DSCAM: variants seen among roughly 807,000 people sequenced by gnomAD.
The protein encoded by DSCAM is DS cell adhesion molecule, also known as cell adhesion molecule DSCAM.
A neutral mutation model predicts 217.7 loss-of-function variants in DSCAM; 47 were observed. The ratio of observed to expected loss-of-function variants is 0.22; its 90% CI spans 0.17 to 0.28. The LOEUF is 0.28. Ranked by LOEUF, DSCAM falls within the 10% of genes least tolerant of loss-of-function variation. The pLI, the probability that DSCAM is intolerant of heterozygous loss-of-function variation, is 1.00. For missense variants in DSCAM, 2,080 were observed against 2,618.3 expected, an observed-to-expected ratio of 0.79 and a Z score of 4.49; for synonymous variants, 1,056 against 1,015.3, an observed-to-expected ratio of 1.04 and a Z score of -0.76.
intron 3 of DSCAM, among the ~76,000 whole-genome samples, chr21:40,595,743 G>C (rs897343887): frequency 6.6e-6 from 1 of 152,216 alleles, no homozygotes; most frequent in Non-Finnish European, 1.5e-5. Context: ...CATTGAAAGG[G>C]ATGTTCTGAT....
intron 3 of DSCAM, among the ~76,000 whole-genome samples, chr21:40,504,276 C>A (rs923485359): frequency 1.3e-5 from 2 of 152,098 alleles, no homozygotes; most frequent in African/African-American, 4.8e-5. Flanking sequence ...CAAGTCTGTA[C>A]CAGGGATGTT....
chr21:40,264,105 C>T (rs764230341), intron 11 of DSCAM, among the ~76,000 whole-genome samples: 13 of 151,354 alleles, frequency 8.6e-5, no homozygotes, highest in Non-Finnish European at 1.8e-4. Context: ...TGGATTCACA[C>T]CTAAATTCTA....
At chr21:40,698,408 T>C (rs2090617902) in intron 2 of DSCAM, among the ~76,000 whole-genome samples, 1 of 152,168 alleles carries the variant, frequency 6.6e-6, no homozygotes, top group Admixed American at 6.5e-5. Context: ...GATTGGGTTA[T>C]AACTTTAAAA....
chr21:40,745,490 A>T (rs1285662090), intron 1 of DSCAM, among the ~76,000 whole-genome samples: 1 of 152,160 alleles, frequency 6.6e-6, no homozygotes, highest in Non-Finnish European at 1.5e-5. Flanking sequence ...GCCAGAAGAG[A>T]TTGGGATGAT....
intron 21 of DSCAM, among the ~76,000 whole-genome samples, chr21:40,092,279 T>A (rs887827186): frequency 6.6e-5 from 10 of 152,086 alleles, no homozygotes; most frequent in Admixed American, 3.9e-4. Context: ...GATGCCTGAA[T>A]CACCATGTGG....
chr21:40,333,677 A>G (rs2074399852), intron 8 of DSCAM, among the ~76,000 whole-genome samples: 1 of 152,218 alleles, frequency 6.6e-6, no homozygotes, highest in South Asian at 2.1e-4. Flanking sequence ...TTCAGAAGTC[A>G]TTTTATTTAA....
intron 3 of DSCAM, among the ~76,000 whole-genome samples, chr21:40,584,421 C>T (rs942478230): frequency 5.9e-5 from 9 of 152,190 alleles, no homozygotes; most frequent in Admixed American, 1.3e-4. Flanking sequence ...TTGAGATCAA[C>T]TTTCATCTCA....
chr21:40,276,119 C>T lies in DSCAM; in HGVS notation c.2334G>A (p.Lys778=). 6.2e-7 allele frequency: 1 copy of T among 1,600,476 alleles called. No homozygotes were observed. Among genetic ancestry groups the T allele is most frequent in the Non-Finnish European group, 8.5e-7 (1 of 1,174,580 alleles). The change falls in exon 11 of 33, where the codon AAG becomes AAA. Residue 778 remains lysine, a synonymous_variant. Coordinates refer to ENST00000400454, the MANE Select transcript of DSCAM (RefSeq NM_001389.5). ...VSNDVGADVS[K]SMYLTVKIPA... is the part of the protein sequence containing the mutation. ...TACTTTTAACCGTGAGGTACATGGA[C>T]TTGCTGACGTCTGCGCCCACATCGT...
chr21:40,712,821 G>A (rs2090796652), intron 1 of DSCAM, among the ~76,000 whole-genome samples: 2 of 152,142 alleles, frequency 1.3e-5, no homozygotes, highest in South Asian at 2.1e-4. Context: ...GAGAGAGAGA[G>A]AGAGAGAGAG....
chr21:40,095,009 T>C (rs904307778), intron 20 of DSCAM, among the ~76,000 whole-genome samples: 1 of 152,184 alleles, frequency 6.6e-6, no homozygotes, highest in African/African-American at 2.4e-5. Flanking sequence ...TTCATGCTGC[T>C]GATAAAGACA....
chr21:40,410,759 C>CAAA (rs112357519), intron 3 of DSCAM, among the ~76,000 whole-genome samples: 52,803 of 142,030 alleles, frequency 0.37, 11,040 homozygotes, highest in Middle Eastern at 0.48. Context: ...CTATACAGTA[C>CAAA]AAAAAAAAAA....
intron 20 of DSCAM, among the ~76,000 whole-genome samples, chr21:40,098,045 G>T (rs1473211234): frequency 6.8e-6 from 1 of 147,886 alleles, no homozygotes; most frequent in Non-Finnish European, 1.5e-5. Flanking sequence ...AACACAAATA[G>T]GTTAAAAATA....
chr21:40,663,176 GGTGT>G (rs1267716184), intron 3 of DSCAM, among the ~76,000 whole-genome samples: 32 of 149,794 alleles, frequency 2.1e-4, no homozygotes, highest in African/African-American at 5.7e-4. Flanking sequence ...CAGTGTGTGT[GGTGT>G]GTGTATGACA....
intron 9 of DSCAM, among the ~76,000 whole-genome samples, chr21:40,306,867 C>A (rs2074082989): frequency 6.6e-6 from 1 of 151,760 alleles, no homozygotes; most frequent in African/African-American, 2.4e-5. Flanking sequence ...AGGATTTTTG[C>A]ATCAATGTTC....
intron 3 of DSCAM, among the ~76,000 whole-genome samples, chr21:40,562,035 G>C (rs1192660935): frequency 3.3e-5 from 5 of 152,132 alleles, no homozygotes; most frequent in Non-Finnish European, 7.4e-5. Flanking sequence ...CCACATCGTG[G>C]TCTCTCCTTA....
intron 1 of DSCAM, among the ~76,000 whole-genome samples, chr21:40,755,238 G>C (rs1187768657): frequency 6.6e-6 from 1 of 152,106 alleles, no homozygotes; most frequent in African/African-American, 2.4e-5. Flanking sequence ...ATGAGGTCAG[G>C]AGTTCAAGGC....
chr21:40,791,357 A>C (rs1259470146), intron 1 of DSCAM, among the ~76,000 whole-genome samples: 2 of 151,602 alleles, frequency 1.3e-5, no homozygotes, highest in African/African-American at 4.8e-5. Context: ...TTGTAAATAG[A>C]ATAATGAAAT....
At chr21:40,626,347 T>C (rs1254580872) in intron 3 of DSCAM, among the ~76,000 whole-genome samples, 1 of 152,114 alleles carries the variant, frequency 6.6e-6, no homozygotes, top group East Asian at 1.9e-4. Flanking sequence ...TCATCCCTTA[T>C]GTAGACACCT....
At chr21:40,759,868 G>A (rs755488040) in intron 1 of DSCAM, among the ~76,000 whole-genome samples, 12 of 152,090 alleles carry the variant, frequency 7.9e-5, no homozygotes, top group Non-Finnish European at 1.5e-4. Context: ...TGCAGCCATC[G>A]CCCTCCACAC....
Sources: gnomAD v4.1 joint callset for allele counts (sites outside exome capture counted in the v4.1 genomes callset) on GRCh38, gnomAD v4.1.1 for gene constraint, MANE v1.5 for transcripts, NCBI Gene and HGNC (gene_info 2026-07-23, HGNC 2026-07-21) for gene names.